GNAQ: variants seen among roughly 807,000 people sequenced by gnomAD.
GNAQ encodes G protein subunit alpha q.
In GNAQ, 8 loss-of-function variants were observed where a neutral mutation model predicts 43.9. That is an observed-to-expected ratio of 0.18 (90% CI 0.11 to 0.33). The LOEUF (loss-of-function observed/expected upper bound fraction) is 0.33, where lower values mean the gene tolerates loss of function less well. Ranked by LOEUF, GNAQ falls within the 10% of genes least tolerant of loss-of-function variation. The pLI, the probability that GNAQ is intolerant of heterozygous loss-of-function variation, is 1.00. For missense variants in GNAQ, 158 were observed against 450.8 expected (o/e 0.35, Z 5.88); for synonymous variants, 155 against 170.7 (o/e 0.91, Z 0.71).
intron 2 of GNAQ, among the ~76,000 whole-genome samples, chr9:77,920,008 G>T (rs1164188048): frequency 6.6e-6 from 1 of 152,050 alleles, no homozygotes; most frequent in Non-Finnish European, 1.5e-5. Flanking sequence ...GCATGGTGGT[G>T]CACGCCTGTA....
chr9:77,799,637 A>G (rs1282745080), intron 3 of GNAQ, among the ~76,000 whole-genome samples: 2 of 152,266 alleles, frequency 1.3e-5, no homozygotes, highest in Admixed American at 1.3e-4. Context: ...CTGGAATCAT[A>G]AAGTAGGAGG....
intron 5 of GNAQ, among the ~76,000 whole-genome samples, chr9:77,757,448 G>A (rs764358545): frequency 1.1e-4 from 17 of 152,010 alleles, no homozygotes; most frequent in Non-Finnish European, 2.1e-4. Context: ...TAAGTCATTC[G>A]CTCTCTCCCC....
chr9:77,857,669 GAGGGAAGGA>G (rs1827779593), intron 2 of GNAQ, among the ~76,000 whole-genome samples: 2 of 86,946 alleles, frequency 2.3e-5, no homozygotes, highest in Non-Finnish European at 6.3e-5. Flanking sequence ...GGAGGGGAAG[GAGGGAAGGA>G]GGGGAAGGAG....
In GNAQ at chr9:77,774,801, TTTC is replaced by T. The variant is rs1163989067; in HGVS notation, c.735+19659_735+19661del. Reference sequence around the variant, plus strand: ...TTTTATTAGATTTTAATCTTTAAGATTTCTTATCTTTTAAGATAATCATTATTT... The same window carrying T: ...TTTTATTAGATTTTAATCTTTAAGATTTATCTTTTAAGATAATCATTATTT... On this transcript the variant is annotated intron_variant, in intron 5 of 6. Transcript: ENST00000286548. Among the ~76,000 whole-genome samples, 10 of 152,340 alleles carry T rather than the reference TTTC, an allele frequency of 6.6e-5. No homozygotes were observed. In the East Asian group the frequency reaches 1.5e-3, roughly 23 times the overall value.
intron 1 of GNAQ, among the ~76,000 whole-genome samples, chr9:77,972,990 G>A: frequency 6.9e-6 from 1 of 145,300 alleles, no homozygotes. Flanking sequence ...TAAGTAAAAA[G>A]GAGAAGACAT....
chr9:77,759,695 G>A (rs1192794828), intron 5 of GNAQ, among the ~76,000 whole-genome samples: 3 of 152,104 alleles, frequency 2.0e-5, no homozygotes, highest in Non-Finnish European at 2.9e-5. Context: ...GGCCAGACAA[G>A]AACAGAGATA....
chr9:77,995,044 T>C (rs557424905), intron 1 of GNAQ, among the ~76,000 whole-genome samples: 1 of 152,378 alleles, frequency 6.6e-6, no homozygotes, highest in East Asian at 1.9e-4. Context: ...CTATGTGTGC[T>C]ATAGCAGCTC....
At chr9:77,818,035 A>C (rs1244372212) in intron 2 of GNAQ, among the ~76,000 whole-genome samples, 4 of 152,064 alleles carry the variant, frequency 2.6e-5, no homozygotes, top group Admixed American at 2.0e-4. Flanking sequence ...CAAAACAAAA[A>C]AAAACTGTCT....
At chr9:77,740,101 A>G (rs1031292286) in intron 5 of GNAQ, among the ~76,000 whole-genome samples, 3 of 152,344 alleles carry the variant, frequency 2.0e-5, no homozygotes, top group African/African-American at 7.2e-5. Flanking sequence ...TATTTCCTTC[A>G]TTGTCTCAAA....
At chr9:77,874,578 G>C (rs1376805729) in intron 2 of GNAQ, among the ~76,000 whole-genome samples, 3 of 152,138 alleles carry the variant, frequency 2.0e-5, no homozygotes, top group African/African-American at 4.8e-5. Context: ...TCTGGAAGCT[G>C]CCATGTCTAC....
chr9:77,774,748 C>T (rs1351013464), intron 5 of GNAQ, among the ~76,000 whole-genome samples: 6 of 152,182 alleles, frequency 3.9e-5, no homozygotes, highest in Admixed American at 3.9e-4. Context: ...CAGGTTTGAG[C>T]CACCATGCCC....
chr9:77,866,594 A>G (rs890806326), intron 2 of GNAQ, among the ~76,000 whole-genome samples: 1 of 152,250 alleles, frequency 6.6e-6, no homozygotes, highest in African/African-American at 2.4e-5. Context: ...ACTGATGGAC[A>G]AAATAACCCA....
intron 1 of GNAQ, among the ~76,000 whole-genome samples, chr9:77,972,158 AT>A (rs1823244421): frequency 1.3e-5 from 2 of 152,152 alleles, no homozygotes; most frequent in Admixed American, 1.3e-4. Flanking sequence ...AACAATTAAA[AT>A]GAAAAAAAAA....
At chr9:77,821,722 T>TGGGGGG (rs139820738) in intron 2 of GNAQ, among the ~76,000 whole-genome samples, 2 of 143,712 alleles carry the variant, frequency 1.4e-5, no homozygotes, top group Non-Finnish European at 3.0e-5. Flanking sequence ...TATCCTAGTA[T>TGGGGGG]GGGTGTGTGT....
At chr9:77,853,802 C>CAAAA (rs1827710563) in intron 2 of GNAQ, among the ~76,000 whole-genome samples, 1 of 114,538 alleles carries the variant, frequency 8.7e-6, no homozygotes, top group Non-Finnish European at 1.9e-5. Context: ...AAAAAAAAAC[C>CAAAA]CACAGGCACT....
At chr9:77,948,343 T>C (rs1822930642) in intron 1 of GNAQ, among the ~76,000 whole-genome samples, 1 of 152,216 alleles carries the variant, frequency 6.6e-6, no homozygotes, top group Non-Finnish European at 1.5e-5. Flanking sequence ...CTCACTGGAC[T>C]GCAGGCTCAC....
At chr9:77,987,966 C>A (rs1185010597) in intron 1 of GNAQ, among the ~76,000 whole-genome samples, 1 of 152,190 alleles carries the variant, frequency 6.6e-6, no homozygotes, top group African/African-American at 2.4e-5. Context: ...CAAGTCCTCA[C>A]TGAGACAACT....
intron 2 of GNAQ, among the ~76,000 whole-genome samples, chr9:77,904,452 CCT>C (rs1828670586): frequency 6.6e-6 from 1 of 150,430 alleles, no homozygotes; most frequent in Non-Finnish European, 1.5e-5. Flanking sequence ...CCTGCCTCAG[CCT>C]CCCGAGTAGC....
intron 5 of GNAQ, among the ~76,000 whole-genome samples, chr9:77,746,504 C>A (rs1825732074): frequency 6.6e-6 from 1 of 151,994 alleles, no homozygotes; most frequent in Non-Finnish European, 1.5e-5. Flanking sequence ...TGAAAGATTT[C>A]ATAGATCTGT....
Sources: allele counts gnomAD v4.1 joint callset (sites outside exome capture counted in the v4.1 genomes callset), GRCh38; gene constraint gnomAD v4.1.1; transcripts MANE v1.5; gene names NCBI Gene and HGNC (gene_info 2026-07-23, HGNC 2026-07-21).